MAD1L1: variants seen among roughly 807,000 people sequenced by gnomAD.
The protein encoded by MAD1L1 is mitotic arrest deficient 1 like 1.
MAD1L1 carries 95 observed loss-of-function variants against 96.9 expected under a neutral mutation model. The observed-to-expected ratio is 0.98, with a 90% confidence interval of 0.83 to 1.16. The LOEUF is 1.16. Among genes scored for constraint, MAD1L1 ranks in the 50% most tolerant of loss-of-function variants. The probability of loss-of-function intolerance (pLI) is 0.00; values close to 1 mark genes in which losing one functional copy is unlikely to be tolerated. For missense variants in MAD1L1, 1,007 were observed against 954.4 expected, an observed-to-expected ratio of 1.06 and a Z score of -0.73; for synonymous variants, 473 against 396.6, an observed-to-expected ratio of 1.19 and a Z score of -2.29.
At chr7:2,225,582 T>C (rs1377723943) in intron 3 of MAD1L1, 32 bp from the exon 4 acceptor site, 6 of 1,608,370 alleles carry the variant, frequency 3.7e-6, no homozygotes, top group Non-Finnish European at 5.1e-6. Flanking sequence ...AAAAACAGAA[T>C]CCTCAGTGAC....
intron 17 of MAD1L1, among the ~76,000 whole-genome samples, chr7:1,899,290 C>CT (rs1409391760): frequency 6.6e-6 from 1 of 152,236 alleles, no homozygotes; most frequent in East Asian, 1.9e-4. Context: ...ACTGGCTCCA[C>CT]TTAGACGCAC....
chr7:1,986,722 T>G (rs1781168764), intron 14 of MAD1L1, among the ~76,000 whole-genome samples: 3 of 152,160 alleles, frequency 2.0e-5, no homozygotes, highest in Non-Finnish European at 2.9e-5. Flanking sequence ...TAAGTGCCAT[T>G]TTGGTTTTCA....
At chr7:2,217,936 C>G (rs1793380808) in intron 7 of MAD1L1, 26 bp downstream of exon 7, 1 of 1,594,352 alleles carries the variant, frequency 6.3e-7, no homozygotes, top group African/African-American at 1.3e-5. Flanking sequence ...GGGATGTCCA[C>G]AAGGCACTGA....
At chr7:1,878,320 T>C (rs1226397581) in intron 18 of MAD1L1, among the ~76,000 whole-genome samples, 1 of 152,096 alleles carries the variant, frequency 6.6e-6, no homozygotes, top group African/African-American at 2.4e-5. Flanking sequence ...TTTTTGAGGC[T>C]AGCATCATCC....
intron 18 of MAD1L1, among the ~76,000 whole-genome samples, chr7:1,828,100 G>A (rs951465734): frequency 3.9e-5 from 6 of 152,012 alleles, no homozygotes; most frequent in Non-Finnish European, 8.8e-5. Context: ...TTTCCTGAAT[G>A]TAAAATGGAG....
At position 2,022,507 on chromosome 7, in the gene MAD1L1, C is replaced by T. The variant is rs530472992; in HGVS notation, c.1219-7865G>A. Among the ~76,000 whole-genome samples the T allele has an allele frequency of 8.6e-5, 13 of 151,964 alleles. No homozygotes were observed. In the South Asian group the frequency reaches 1.0e-3, roughly 12 times the overall value. ...TTAGCCGGGCATGGTGGCAAGATCA[C>T]GCCACTGTACCCCAGCCTGGGCGAC... On this transcript the variant is annotated intron_variant, in intron 12 of 18. Transcript: ENST00000265854.
At chr7:2,207,097 A>C (rs1469963392) in intron 10 of MAD1L1, among the ~76,000 whole-genome samples, 1 of 151,138 alleles carries the variant, frequency 6.6e-6, no homozygotes, top group Non-Finnish European at 1.5e-5. Context: ...AAAAAAAAAG[A>C]AATTTTAGAG....
At chr7:1,818,093 G>GA (rs1406039422) in intron 18 of MAD1L1, among the ~76,000 whole-genome samples, 2 of 152,122 alleles carry the variant, frequency 1.3e-5, no homozygotes, top group Non-Finnish European at 2.9e-5. Flanking sequence ...CTTTCGCTGA[G>GA]AAAATCCTTT....
chr7:1,886,320 A>G (rs1163517700), intron 18 of MAD1L1, among the ~76,000 whole-genome samples: 1 of 152,178 alleles, frequency 6.6e-6, no homozygotes, highest in African/African-American at 2.4e-5. Flanking sequence ...CCACTTATTC[A>G]CAAGCCTGCT....
At chr7:2,201,296 G>A (rs907382399) in intron 10 of MAD1L1, among the ~76,000 whole-genome samples, 5 of 152,254 alleles carry the variant, frequency 3.3e-5, no homozygotes, top group East Asian at 3.9e-4. Flanking sequence ...GCTTCAAGCC[G>A]CCTGTCAAAA....
intron 12 of MAD1L1, among the ~76,000 whole-genome samples, chr7:2,054,044 G>A (rs1784294224): frequency 6.6e-6 from 1 of 152,242 alleles, no homozygotes; most frequent in African/African-American, 2.4e-5. Flanking sequence ...CCCGCAGACA[G>A]GGCACTCCCA....
rs569658440 is a variant in MAD1L1, at chr7:2,125,522, C to T, written c.1073+23630G>A. On this transcript the variant is annotated intron_variant, in intron 11 of 18. Coordinates refer to ENST00000265854, the MANE Select transcript of MAD1L1 (RefSeq NM_001013836.2). ...ATCTGAGATATCCTTTGAATATTTA[C>T]GAGTTCTCATCTGCCCAGGTGAGCG... 2.6e-5 allele frequency among the ~76,000 whole-genome samples: 4 copies of T among 152,302 alleles called. No individual in the cohort carries two copies. The South Asian group carries it at 6.2e-4, about 24-fold the overall frequency.
intron 12 of MAD1L1, among the ~76,000 whole-genome samples, chr7:2,064,910 G>A (rs953566195): frequency 6.6e-6 from 1 of 152,060 alleles, no homozygotes; most frequent in African/African-American, 2.4e-5. Flanking sequence ...GCTCATGGGA[G>A]GACAGAGGCT....
At chr7:2,093,793 G>C (rs971237815) in intron 11 of MAD1L1, among the ~76,000 whole-genome samples, 2 of 152,200 alleles carry the variant, frequency 1.3e-5, no homozygotes, top group Non-Finnish European at 2.9e-5. Flanking sequence ...CCATCAGCCA[G>C]AGGAGCACGG....
At chr7:1,925,003 A>C (rs1789012093) in intron 17 of MAD1L1, among the ~76,000 whole-genome samples, 1 of 152,230 alleles carries the variant, frequency 6.6e-6, no homozygotes, top group Admixed American at 6.5e-5. Flanking sequence ...AGTATAAAAA[A>C]GGCCAAATAA....
chr7:2,087,632 C>T (rs1227850001), intron 11 of MAD1L1, among the ~76,000 whole-genome samples: 3 of 152,190 alleles, frequency 2.0e-5, no homozygotes, highest in Non-Finnish European at 2.9e-5. Flanking sequence ...CCACAGTCTG[C>T]ACAGCTCCAC....
chr7:1,827,501 C>G (rs557523663), intron 18 of MAD1L1, among the ~76,000 whole-genome samples: 1 of 140,620 alleles, frequency 7.1e-6, no homozygotes, highest in African/African-American at 2.7e-5. Context: ...GAGCCCGTCC[C>G]GGGTGTGGGG....
At chr7:1,875,704 T>G (rs1487502734) in intron 18 of MAD1L1, among the ~76,000 whole-genome samples, 2 of 152,146 alleles carry the variant, frequency 1.3e-5, no homozygotes, top group Non-Finnish European at 2.9e-5. Flanking sequence ...AGATAACAGG[T>G]AGTTCACGTG....
At chr7:2,164,515 A>G (rs1584464375) in intron 10 of MAD1L1, among the ~76,000 whole-genome samples, 2 of 144,044 alleles carry the variant, frequency 1.4e-5, no homozygotes, top group East Asian at 4.5e-4. Context: ...ATCAGGTTGT[A>G]GGTCACATCA....
Sources: gnomAD v4.1 joint callset for allele counts (sites outside exome capture counted in the v4.1 genomes callset) on GRCh38, gnomAD v4.1.1 for gene constraint, MANE v1.5 for transcripts, NCBI Gene and HGNC (gene_info 2026-07-23, HGNC 2026-07-21) for gene names.